The following RNPC3 variants were observed in gnomAD, a reference collection of about 807,000 sequenced individuals.
The protein encoded by RNPC3 is RNA-binding region-containing protein 3.
Under a neutral mutation model 67.5 loss-of-function variants are expected in RNPC3, and 48 were observed. That is an observed-to-expected ratio of 0.71 (90% CI 0.56 to 0.90). RNPC3 has a LOEUF of 0.90. RNPC3 is among the 40% of genes least tolerant of loss of function. The pLI is 0.00. For missense variants in RNPC3, 637 were observed against 626.1 expected (o/e 1.02, Z -0.19); for synonymous variants, 239 against 210.3 (o/e 1.14, Z -1.18).
rs770839297 is a variant in RNPC3, at chr1:103,550,978, G to A, written c.1399G>A (p.Gly467Arg). ...IRLMKEGRMK[G>R]QAFIGLPNEK... ...TTTGATGAAAGAAGGTCGTATGAAA[G>A]GACAAGCTTTCATTGGACTTCCTAA... The change falls in exon 13 of 15, where the codon GGA becomes AGA. Residue 467 changes from glycine to arginine, a missense_variant. Physicochemically the swap from Gly to Arg is moderately radical, Grantham distance 125. This residue lies in a region of RNPC3 where 96 missense variants were observed against 105.8 expected (regional missense o/e 0.91). Transcript: ENST00000423855. 1 of 1,611,670 alleles carries A rather than the reference G, an allele frequency of 6.2e-7. No individual in the cohort carries two copies. The highest frequency in any genetic ancestry group is 1.3e-5 in the African/African-American group (1 of 74,948).
At chr1:103,547,512 T>C (rs1651275468) in intron 12 of RNPC3, among the ~76,000 whole-genome samples, 1 of 152,196 alleles carries the variant, frequency 6.6e-6, no homozygotes, top group Non-Finnish European at 1.5e-5. Context: ...CTAGGTTTCA[T>C]GGGTAGGACT....
In RNPC3 at chr1:103,525,943, C is replaced by T; in HGVS notation, c.-128C>T. Reference sequence around the variant, plus strand: ...TTCTCGCGAGAAGGTGACTTTCTTTCTCGGTATTTCCTGGTTTCCAGAATC... The same window carrying T: ...TTCTCGCGAGAAGGTGACTTTCTTTTTCGGTATTTCCTGGTTTCCAGAATC... On this transcript the variant is annotated 5_prime_UTR_variant, in exon 1 of 15. Coordinates refer to ENST00000423855, the MANE Select transcript of RNPC3 (RefSeq NM_017619.4). 1 of 748,820 alleles carries T rather than the reference C, an allele frequency of 1.3e-6. No individual in the cohort carries two copies. Among genetic ancestry groups the T allele is most frequent in the East Asian group, 2.8e-5 (1 of 35,536 alleles). The allele number at this position is 748,820 out of a possible 1,614,324, so 46.4% of individuals were successfully genotyped here.
chr1:103,526,007 G>T lies in RNPC3; in HGVS notation c.-64G>T. On this transcript the variant is annotated 5_prime_UTR_variant, in exon 1 of 15. Coordinates refer to ENST00000423855, the MANE Select transcript of RNPC3 (RefSeq NM_017619.4). ...GGAAAAAATATTTCTCCCAGCTTGT[G>T]TTGATGCCGCGATTTTGACTGAGAC... 1 of 1,319,514 alleles carries T rather than the reference G, an allele frequency of 7.6e-7. No homozygotes were observed. Among genetic ancestry groups the T allele is most frequent in the African/African-American group, 1.5e-5 (1 of 67,644 alleles). 81.7% of individuals were successfully genotyped at this position (1,319,514 alleles called of 1,614,324 possible).
chr1:103,543,511 A>T, intron 9 of RNPC3, 64 bp downstream of exon 9: 1 of 1,183,618 alleles, frequency 8.4e-7, no homozygotes, highest in Non-Finnish European at 1.1e-6. Context: ...TAAGTTTTAC[A>T]TATAATGTTT....
chr1:103,554,995 T>C (rs1435730127), intron 14 of RNPC3, 39 bp from the exon 15 acceptor site: 2 of 152,166 alleles, frequency 1.3e-5, no homozygotes, highest in Admixed American at 1.3e-4. Context: ...TGACCTGTGT[T>C]ATACTTCCTA....
At chr1:103,551,853 A>G in intron 14 of RNPC3, 61 bp downstream of exon 14, 1 of 960,530 alleles carries the variant, frequency 1.0e-6, no homozygotes, top group Non-Finnish European at 1.5e-6. Context: ...AATTAAGAAT[A>G]AAAGTTTGAC....
chr1:103,553,800 CTCA>C (rs1651460084), intron 14 of RNPC3: 1 of 152,156 alleles, frequency 6.6e-6, no homozygotes, highest in Non-Finnish European at 1.5e-5. Context: ...TAGCAGACCT[CTCA>C]TCTGAAGTCT....
rs943636615 is a variant in RNPC3, at chr1:103,546,284, C to T, written c.1244C>T (p.Pro415Leu). ...CTTTCAGTTTTCAGAAGTTATGAAC[C>T]GGGTGAACCAAACTGTAGAATTTAT... Reference protein sequence around the residue: ...ETLSVFRSYEPGEPNCRIYVK... With the variant: ...ETLSVFRSYELGEPNCRIYVK... Residue 415 changes from proline to leucine, a missense_variant, in exon 11 of 15, where the codon CCG (proline) becomes CTG (leucine). Transcript: ENST00000423855. 65 of 1,461,758 alleles carry T rather than the reference C, an allele frequency of 4.4e-5. No homozygotes were observed. Among genetic ancestry groups the T allele is most frequent in the East Asian group, 7.9e-5 (3 of 37,792 alleles). The allele number at this position is 1,461,758 out of a possible 1,614,324, so 90.5% of individuals were successfully genotyped here.
At chr1:103,549,226 TAAG>T (rs780077340) in intron 12 of RNPC3, among the ~76,000 whole-genome samples, 1 of 152,174 alleles carries the variant, frequency 6.6e-6, no homozygotes, top group South Asian at 2.1e-4. Context: ...AAATTAAAAG[TAAG>T]AAGAAGTAGA....
At chr1:103,540,713 A>G (rs1477173408) in intron 7 of RNPC3, among the ~76,000 whole-genome samples, 1 of 152,178 alleles carries the variant, frequency 6.6e-6, no homozygotes, top group Non-Finnish European at 1.5e-5. Context: ...GCGGTTTCCA[A>G]GTTCCTGCTC....
rs748834812 is a variant in RNPC3 at position 103,546,965 on chromosome 1, T to C, written c.1303-12T>C. 2.6e-5 allele frequency: 35 copies of C among 1,368,474 alleles called. No individual in the cohort carries two copies. The South Asian group carries it at 2.7e-4, about 10-fold the overall frequency. The allele number at this position is 1,368,474 out of a possible 1,614,324, so 84.8% of individuals were successfully genotyped here. Reference sequence around the variant, plus strand: ...GGCTTTGTTATTTGTCTTTTTCTTATTGAAATTCTAGGACCTTAAATATAT... The same window carrying C: ...GGCTTTGTTATTTGTCTTTTTCTTACTGAAATTCTAGGACCTTAAATATAT... On this transcript the variant is annotated splice_polypyrimidine_tract_variant and intron_variant, in intron 11 of 14. Transcript: ENST00000423855.
At chr1:103,541,527 C>T (rs1651125586) in intron 8 of RNPC3, 52 bp downstream of exon 8, 1 of 1,428,630 alleles carries the variant, frequency 7.0e-7, no homozygotes, top group East Asian at 2.8e-5. Context: ...ACTTTGTTTA[C>T]TTGCTTAATT....
rs1231148187 is a variant in RNPC3 at position 103,546,303 on chromosome 1, A to G, written c.1263A>G (p.Arg421=). 1.6e-5 allele frequency: 23 copies of G among 1,475,780 alleles called. No homozygotes were observed. Among genetic ancestry groups the G allele is most frequent in the Non-Finnish European group, 2.1e-5 (23 of 1,119,174 alleles). 91.4% of individuals were successfully genotyped at this position (1,475,780 alleles called of 1,614,324 possible). A position where few individuals can be genotyped will look rare whatever the true frequency, so the allele number is the denominator to read the frequency against. The change falls in exon 11 of 15, where the codon AGA becomes AGG. Residue 421 remains arginine, a synonymous_variant. Coordinates refer to ENST00000423855, the MANE Select transcript of RNPC3 (RefSeq NM_017619.4). Reference sequence around the variant, plus strand: ...ATGAACCGGGTGAACCAAACTGTAGAATTTATGTAAAGAATTTAGCTAAAC... The same window carrying G: ...ATGAACCGGGTGAACCAAACTGTAGGATTTATGTAAAGAATTTAGCTAAAC... ...RSYEPGEPNC[R]IYVKNLAKHV...
intron 2 of RNPC3, among the ~76,000 whole-genome samples, chr1:103,528,255 GGA>G (rs1557754928): frequency 1.3e-5 from 2 of 152,176 alleles, no homozygotes; most frequent in Non-Finnish European, 2.9e-5. Context: ...TTTGAGTCTG[GGA>G]GAGAGGTATT....
chr1:103,538,222 C>T (rs1328747582), intron 7 of RNPC3, among the ~76,000 whole-genome samples: 1 of 152,160 alleles, frequency 6.6e-6, no homozygotes, highest in East Asian at 1.9e-4. Flanking sequence ...CCAACACACA[C>T]GTTCTGAGAT....
chr1:103,550,254 G>A (rs867874382), intron 12 of RNPC3, among the ~76,000 whole-genome samples: 1 of 151,900 alleles, frequency 6.6e-6, no homozygotes, highest in African/African-American at 2.4e-5. Context: ...TCCATTCTTG[G>A]TTATGTAGTA....
intron 5 of RNPC3, among the ~76,000 whole-genome samples, 168 bp downstream of exon 5, chr1:103,535,609 A>AT (rs1334777937): frequency 2.6e-5 from 4 of 152,096 alleles, no homozygotes; most frequent in Non-Finnish European, 4.4e-5. Flanking sequence ...TTTATAAGGT[A>AT]TCGTATAAGT....
chr1:103,528,015 G>A (rs1351057955), intron 2 of RNPC3, among the ~76,000 whole-genome samples: 5 of 152,226 alleles, frequency 3.3e-5, no homozygotes, highest in East Asian at 1.9e-4. Flanking sequence ...AAGGTAAGAT[G>A]TTTCAAGTGT....
chr1:103,551,753 TC>T lies in RNPC3; in HGVS notation c.1529del (p.Pro510LeufsTer11), dbSNP rs1468527409. ...FARSARPKQD[P>X]KEGKRKC ...CTCGATCTGCTAGACCAAAACAAGA[TC>T]CTAAGGAAGGAAAAAGAAAGTGTTA... On this transcript the variant is annotated frameshift_variant, in exon 14 of 15. Coordinates refer to ENST00000423855, the MANE Select transcript of RNPC3 (RefSeq NM_017619.4). LOFTEE classifies it high-confidence loss of function. 1.3e-6 allele frequency: 2 copies of T among 1,531,248 alleles called. No individual in the cohort carries two copies. Among genetic ancestry groups the T allele is most frequent in the Non-Finnish European group, 8.8e-7 (1 of 1,136,342 alleles). 94.9% of individuals were successfully genotyped at this position (1,531,248 alleles called of 1,614,324 possible). A position where few individuals can be genotyped will look rare whatever the true frequency, so the allele number is the denominator to read the frequency against.
Sources: gnomAD v4.1 joint callset for allele counts (sites outside exome capture counted in the v4.1 genomes callset) on GRCh38, gnomAD v4.1.1 for gene constraint, gnomAD v4.1.1 regional missense constraint, MANE v1.5 for transcripts, NCBI Gene and HGNC (gene_info 2026-07-23, HGNC 2026-07-21) for gene names.